PTPRN2: variants seen among roughly 807,000 people sequenced by gnomAD.
PTPRN2 encodes protein tyrosine phosphatase receptor type N2, also known as receptor-type tyrosine-protein phosphatase N2.
In PTPRN2, 74 loss-of-function variants were observed where a neutral mutation model predicts 118.8. The ratio of observed to expected loss-of-function variants is 0.62; its 90% CI spans 0.52 to 0.76. PTPRN2 has a LOEUF of 0.76. Among genes scored for constraint, PTPRN2 ranks in the 30% least tolerant of loss-of-function variants. The pLI is 0.00. For synonymous variants in PTPRN2, 641 were observed against 608.0 expected (o/e 1.05, Z -0.80); for missense variants, 1,481 against 1,394.4 (o/e 1.06, Z -0.99).
At chr7:158,080,793 G>C (rs1043782171) in intron 11 of PTPRN2, among the ~76,000 whole-genome samples, 3 of 152,188 alleles carry the variant, frequency 2.0e-5, no homozygotes, top group Admixed American at 6.6e-5. Context: ...CAGTGAAACC[G>C]TCTGGAAGTC....
intron 12 of PTPRN2, among the ~76,000 whole-genome samples, chr7:157,876,058 T>C (rs1795745596): frequency 1.3e-5 from 2 of 152,198 alleles, no homozygotes; most frequent in Admixed American, 1.3e-4. Flanking sequence ...CCTGGCTGTC[T>C]CCATCTGGGG....
chr7:158,248,999 A>C (rs1462515259), intron 3 of PTPRN2, among the ~76,000 whole-genome samples: 1 of 150,260 alleles, frequency 6.7e-6, no homozygotes. Context: ...CACACATCAC[A>C]CATGCAGCAC....
Position 157,871,412 on chromosome 7 carries a change from C to T in PTPRN2, c.1788+27261G>A, listed in dbSNP as rs555026041. On this transcript the variant is annotated intron_variant, in intron 12 of 22. Coordinates refer to ENST00000389418, the MANE Select transcript of PTPRN2 (RefSeq NM_002847.5). ...TGTTCTGCTTATGGGAAAGGGCAGG[C>T]GTGACCTCTGAGAGAACTTGTAAGA... Among the ~76,000 whole-genome samples, 19 of 152,208 alleles carry T rather than the reference C, an allele frequency of 1.2e-4. No homozygotes were observed. The East Asian group carries it at 2.1e-3, about 17-fold the overall frequency.
chr7:158,266,063 C>A (rs75081900), intron 3 of PTPRN2, among the ~76,000 whole-genome samples: 3 of 128,856 alleles, frequency 2.3e-5, no homozygotes, highest in South Asian at 2.5e-4. Context: ...CTGGGGACGG[C>A]GTCTGCTGCG....
chr7:158,342,804 G>C (rs992641648), intron 2 of PTPRN2, among the ~76,000 whole-genome samples: 3 of 152,160 alleles, frequency 2.0e-5, no homozygotes, highest in African/African-American at 7.2e-5. Context: ...CATGAGGGAG[G>C]TACGGAAACA....
intron 15 of PTPRN2, among the ~76,000 whole-genome samples, chr7:157,607,620 G>T (rs921056198): frequency 1.3e-5 from 2 of 152,352 alleles, no homozygotes; most frequent in South Asian, 4.1e-4. Flanking sequence ...TCTACGGAGG[G>T]CAGAGGAGGC....
chr7:158,130,692 CAT>C, intron 9 of PTPRN2, among the ~76,000 whole-genome samples: 1 of 107,456 alleles, frequency 9.3e-6, no homozygotes, highest in South Asian at 3.4e-4. Context: ...CAGACACACA[CAT>C]CTACCCAACA....
At chr7:158,171,308 C>CATATATATATATATAT (rs71198580) in intron 5 of PTPRN2, among the ~76,000 whole-genome samples, 1 of 48,678 alleles carries the variant, frequency 2.1e-5, no homozygotes, top group Non-Finnish European at 3.7e-5. Flanking sequence ...TATATACACA[C>CATATATATATATATAT]ATATATATAT....
intron 1 of PTPRN2, among the ~76,000 whole-genome samples, chr7:158,527,692 G>A (rs1446597948): frequency 6.6e-6 from 1 of 152,162 alleles, no homozygotes; most frequent in African/African-American, 2.4e-5. Flanking sequence ...TCTGTGGGGG[G>A]GTCTCACAGC....
At position 158,340,871 on chromosome 7, in the gene PTPRN2, A is replaced by C. The variant is rs1806615873; in HGVS notation, c.164-23939T>G. On this transcript the variant is annotated intron_variant, in intron 2 of 22. Transcript: ENST00000389418. ...GCTGACACATGCAGACGTCACTCACACCCACACTCTCACCATAAGAGCTGA... is the reference window on the plus strand; with the variant it reads ...GCTGACACATGCAGACGTCACTCACCCCCACACTCTCACCATAAGAGCTGA... 2.2e-5 allele frequency among the ~76,000 whole-genome samples: 2 copies of C among 89,364 alleles called. 1 individual carries two copies. The highest frequency in any genetic ancestry group is 2.2e-4 in the Admixed American group (2 of 8,918). 58.6% of individuals were successfully genotyped at this position (89,364 alleles called of 152,430 possible).
At chr7:158,123,357 C>T (rs1228192169) in intron 9 of PTPRN2, among the ~76,000 whole-genome samples, 1 of 152,234 alleles carries the variant, frequency 6.6e-6, no homozygotes, top group Admixed American at 6.5e-5. Flanking sequence ...TGACAGGCGC[C>T]ACAGTATCCT....
intron 12 of PTPRN2, among the ~76,000 whole-genome samples, chr7:157,686,225 GAA>G (rs1797186155): frequency 6.6e-6 from 1 of 152,212 alleles, no homozygotes; most frequent in African/African-American, 2.4e-5. Flanking sequence ...AGAAACCGAA[GAA>G]AGAGGTCTTC....
intron 3 of PTPRN2, among the ~76,000 whole-genome samples, chr7:158,214,214 C>T (rs1026888738): frequency 5.9e-5 from 9 of 152,124 alleles, no homozygotes; most frequent in South Asian, 2.1e-4. Flanking sequence ...AGATGACATA[C>T]GTCTTCCCAC....
At chr7:158,428,353 A>G (rs1815907170) in intron 2 of PTPRN2, among the ~76,000 whole-genome samples, 1 of 152,180 alleles carries the variant, frequency 6.6e-6, no homozygotes, top group Non-Finnish European at 1.5e-5. Flanking sequence ...GGCGGCAGCA[A>G]GACCCTCGGG....
At chr7:158,413,236 A>C (rs1470737976) in intron 2 of PTPRN2, among the ~76,000 whole-genome samples, 1 of 152,358 alleles carries the variant, frequency 6.6e-6, no homozygotes, top group African/African-American at 2.4e-5. Context: ...CAGCAAGACA[A>C]ATTTTGTGCC....
chr7:158,378,305 G>A (rs370074400), intron 2 of PTPRN2, among the ~76,000 whole-genome samples: 179 of 152,284 alleles, frequency 1.2e-3, no homozygotes, highest in African/African-American at 4.0e-3. Context: ...TTTTCCTAAA[G>A]GGGCCTGCAA....
At chr7:158,161,759 C>T (rs1449848733) in intron 6 of PTPRN2, among the ~76,000 whole-genome samples, 3 of 152,054 alleles carry the variant, frequency 2.0e-5, no homozygotes, top group African/African-American at 4.8e-5. Context: ...AAAACTAATG[C>T]TCTGCAAAAG....
chr7:157,928,558 T>C (rs981270928), intron 11 of PTPRN2, among the ~76,000 whole-genome samples: 6 of 151,826 alleles, frequency 4.0e-5, no homozygotes, highest in Non-Finnish European at 5.9e-5. Context: ...TAAAAGAGAT[T>C]GCGAAGCCAC....
intron 13 of PTPRN2, among the ~76,000 whole-genome samples, chr7:157,661,150 C>T (rs1430704843): frequency 8.5e-5 from 13 of 152,272 alleles, no homozygotes; most frequent in Admixed American, 8.5e-4. Context: ...GTGAGGGAGA[C>T]CCAGGGTTCG....
Sources: allele counts gnomAD v4.1 joint callset (sites outside exome capture counted in the v4.1 genomes callset), GRCh38; gene constraint gnomAD v4.1.1; transcripts MANE v1.5; gene names NCBI Gene and HGNC (gene_info 2026-07-23, HGNC 2026-07-21).